PLCH1: variants seen among roughly 807,000 people sequenced by gnomAD.
The protein encoded by PLCH1 is phospholipase C eta 1.
PLCH1 carries 60 observed loss-of-function variants against 126.7 expected under a neutral mutation model. That is an observed-to-expected ratio of 0.47 (90% CI 0.38 to 0.59). The LOEUF is 0.59. PLCH1 is among the 20% of genes least tolerant of loss of function. The pLI is 0.00. For synonymous variants in PLCH1, 719 were observed against 734.9 expected (o/e 0.98, Z 0.35); for missense variants, 1,723 against 2,040.0 (o/e 0.84, Z 2.99).
intron 2 of PLCH1, among the ~76,000 whole-genome samples, chr3:155,666,066 T>C (rs1462626272): frequency 1.3e-5 from 2 of 152,218 alleles, no homozygotes; most frequent in East Asian, 3.8e-4. Context: ...TGTCTACTAG[T>C]ATATATTTAG....
intron 1 of PLCH1, among the ~76,000 whole-genome samples, chr3:155,740,422 A>AAAG (rs1559976343): frequency 3.2e-4 from 48 of 149,868 alleles, no homozygotes; most frequent in Middle Eastern, 3.4e-3. Flanking sequence ...AAAAAAAAAA[A>AAAG]AAGAAGAAGA....
At chr3:155,660,893 A>G (rs970953948) in intron 2 of PLCH1, among the ~76,000 whole-genome samples, 1 of 152,246 alleles carries the variant, frequency 6.6e-6, no homozygotes, top group African/African-American at 2.4e-5. Flanking sequence ...GAAATTTACC[A>G]AATAACAAAG....
intron 21 of PLCH1, among the ~76,000 whole-genome samples, chr3:155,451,543 G>A (rs1457944175): frequency 1.3e-5 from 2 of 152,154 alleles, no homozygotes; most frequent in Admixed American, 6.6e-5. Flanking sequence ...GTCTATGTGG[G>A]TATTTCTTGA....
intron 14 of PLCH1, 105 bp from the exon 15 acceptor site, chr3:155,497,522 A>G: frequency 2.5e-6 from 2 of 790,654 alleles, no homozygotes; most frequent in Non-Finnish European, 4.3e-6. Context: ...AATAGGGAAT[A>G]CCTGCCCCAG....
chr3:155,722,970 A>AT (rs1229392861), intron 1 of PLCH1, among the ~76,000 whole-genome samples: 3 of 151,748 alleles, frequency 2.0e-5, no homozygotes, highest in Non-Finnish European at 2.9e-5. Context: ...CTTGTTGGCA[A>AT]TTTTTTTTAC....
At chr3:155,669,080 C>T (rs928528524) in intron 2 of PLCH1, among the ~76,000 whole-genome samples, 1 of 151,608 alleles carries the variant, frequency 6.6e-6, no homozygotes, top group Admixed American at 6.6e-5. Flanking sequence ...CACAAATCCA[C>T]ATGCCAAAAT....
chr3:155,526,337 G>C (rs1178206007), intron 10 of PLCH1, among the ~76,000 whole-genome samples: 1 of 151,804 alleles, frequency 6.6e-6, no homozygotes, highest in African/African-American at 2.4e-5. Context: ...CTTCTTGCTT[G>C]CTTGCTTCTC....
At chr3:155,545,874 G>C (rs942611898) in intron 10 of PLCH1, among the ~76,000 whole-genome samples, 1 of 152,208 alleles carries the variant, frequency 6.6e-6, no homozygotes, top group African/African-American at 2.4e-5. Flanking sequence ...AGTAGGTATT[G>C]ATGGGACATA....
At chr3:155,664,156 T>A (rs1221029419) in intron 2 of PLCH1, among the ~76,000 whole-genome samples, 2 of 152,176 alleles carry the variant, frequency 1.3e-5, no homozygotes, top group Non-Finnish European at 2.9e-5. Context: ...GGCAGCATAG[T>A]AGAGGGGATT....
In PLCH1 at chr3:155,572,692, A is replaced by AT. The variant is rs1013893982; in HGVS notation, c.772-4369dup. On this transcript the variant is annotated intron_variant, in intron 6 of 22. Coordinates refer to ENST00000460012, the MANE Select transcript of PLCH1 (RefSeq NM_014996.4). The stretch of plus-strand genomic sequence containing the variant: ...TTCTCATGCTTTTAATTTCCAAGAG[A>AT]TTTTTTTTTTCTCTGAATCTTCTTT... 5.2e-4 allele frequency among the ~76,000 whole-genome samples: 74 copies of AT among 141,880 alleles called. 1 individual carries two copies. The highest frequency in any genetic ancestry group is 7.1e-3 in the Middle Eastern group (2 of 280). 93.1% of individuals were successfully genotyped at this position (141,880 alleles called of 152,430 possible).
chr3:155,614,087 C>A (rs1171449653), intron 2 of PLCH1, among the ~76,000 whole-genome samples: 2 of 152,028 alleles, frequency 1.3e-5, no homozygotes, highest in Non-Finnish European at 2.9e-5. Flanking sequence ...ATATACCTAA[C>A]CAAGGAGGTG....
chr3:155,704,318 C>A, intron 1 of PLCH1, 54 bp from the exon 2 acceptor site: 1 of 445,774 alleles, frequency 2.2e-6, no homozygotes, highest in Non-Finnish European at 3.7e-6. Flanking sequence ...GCCACACGCT[C>A]ACACTGGTAG....
At chr3:155,633,745 A>G (rs529508251) in intron 2 of PLCH1, among the ~76,000 whole-genome samples, 1 of 152,258 alleles carries the variant, frequency 6.6e-6, no homozygotes, top group East Asian at 1.9e-4. Flanking sequence ...AACATGGCCA[A>G]CCCCATCTCT....
intron 2 of PLCH1, among the ~76,000 whole-genome samples, chr3:155,599,774 C>T (rs970450900): frequency 6.6e-6 from 1 of 152,146 alleles, no homozygotes; most frequent in African/African-American, 2.4e-5. Flanking sequence ...AGAGATCTAA[C>T]AGCAAGGACT....
intron 10 of PLCH1, among the ~76,000 whole-genome samples, chr3:155,548,033 G>A (rs1286685180): frequency 6.6e-6 from 1 of 151,786 alleles, no homozygotes; most frequent in Non-Finnish European, 1.5e-5. Flanking sequence ...AAAACTTAAA[G>A]TATAATAATA....
At chr3:155,515,878 T>C (rs1720239576) in intron 11 of PLCH1, among the ~76,000 whole-genome samples, 1 of 152,208 alleles carries the variant, frequency 6.6e-6, no homozygotes, top group Non-Finnish European at 1.5e-5. Flanking sequence ...AGGCTGTTCT[T>C]CCATTTGCAA....
chr3:155,703,075 CTTT>C (rs1248220418), intron 2 of PLCH1, among the ~76,000 whole-genome samples: 11 of 152,158 alleles, frequency 7.2e-5, no homozygotes, highest in Non-Finnish European at 1.5e-4. Flanking sequence ...CTCTGTTTCT[CTTT>C]CTTCATCTGT....
At chr3:155,633,346 C>CAAAA (rs367695398) in intron 2 of PLCH1, among the ~76,000 whole-genome samples, 30,557 of 133,108 alleles carry the variant, frequency 0.23, 3,755 homozygotes, top group East Asian at 0.44. Flanking sequence ...TAGTTTTCTT[C>CAAAA]AAAAAAAAAA....
At chr3:155,681,886 G>T (rs941778324) in intron 2 of PLCH1, among the ~76,000 whole-genome samples, 1 of 152,154 alleles carries the variant, frequency 6.6e-6, no homozygotes. Flanking sequence ...CTGAGGCATT[G>T]TCCTGTCTGA....
Sources: gnomAD v4.1 joint callset for allele counts (sites outside exome capture counted in the v4.1 genomes callset) on GRCh38, gnomAD v4.1.1 for gene constraint, MANE v1.5 for transcripts, NCBI Gene and HGNC (gene_info 2026-07-23, HGNC 2026-07-21) for gene names.